COL6A5: variants seen among roughly 807,000 people sequenced by gnomAD.
COL6A5 encodes the protein collagen type VI alpha 5 chain, also known as collagen alpha-5(VI) chain.
In COL6A5, 48 loss-of-function variants were observed where a neutral mutation model predicts 65.6. The observed-to-expected ratio is 0.73, with a 90% CI of 0.58 to 0.93. The LOEUF is 0.93. Among genes scored for constraint, COL6A5 ranks in the 40% least tolerant of loss-of-function variants. The pLI, the probability that COL6A5 is intolerant of heterozygous loss-of-function variation, is 0.00. For missense variants in COL6A5, 914 were observed against 928.3 expected (o/e 0.98, Z 0.20); for synonymous variants, 291 against 322.8 (o/e 0.90, Z 1.05).
exon 4 of COL6A5, chr3:130,379,780 C>T (rs140721388): frequency 6.4e-7 from 1 of 1,551,298 alleles, no homozygotes; most frequent in Non-Finnish European, 8.7e-7. Flanking sequence ...GATTGCAGTT[C>T]TGGTCACCCA....
At chr3:130,449,273 G>T (rs1709373644) in intron 4 of COL6A5, among the ~76,000 whole-genome samples, 1 of 152,080 alleles carries the variant, frequency 6.6e-6, no homozygotes, top group Non-Finnish European at 1.5e-5. Context: ...AACTGGGAGG[G>T]GTTTAGTAAT....
chr3:130,440,841 A>C lies in COL6A5; in HGVS notation c.1241+16A>C, dbSNP rs763119014. ...TCGGTCAGGCGTAAGTTATTATTTCATTGTTTGTCTTTTTTTTAATAAGCT... is the reference window on the plus strand; with the variant it reads ...TCGGTCAGGCGTAAGTTATTATTTCCTTGTTTGTCTTTTTTTTAATAAGCT... On this transcript the variant is annotated intron_variant, in intron 3 of 7. Coordinates refer to ENST00000512836, the Ensembl canonical transcript of COL6A5. The C allele has an allele frequency of 6.3e-6, 10 of 1,586,402 alleles. No individual in the cohort carries two copies. In the South Asian group the frequency reaches 1.1e-4, roughly 18 times the overall value.
intron 28 of COL6A5, 96 bp downstream of exon 28, chr3:130,422,878 A>G: frequency 2.7e-6 from 2 of 745,110 alleles, no homozygotes; most frequent in South Asian, 4.5e-5. Context: ...ATTCAACCCA[A>G]GGGCATCTGA....
chr3:130,435,757 G>T (rs1425079721), intron 1 of COL6A5, among the ~76,000 whole-genome samples: 2 of 152,070 alleles, frequency 1.3e-5, no homozygotes, highest in South Asian at 4.2e-4. Context: ...GGTGTAAAGG[G>T]ATTCTTGTGA....
chr3:130,361,581 T>C (rs1347456624), intron 1 of COL6A5, among the ~76,000 whole-genome samples: 3 of 152,126 alleles, frequency 2.0e-5, no homozygotes, highest in African/African-American at 7.2e-5. Flanking sequence ...CTCATTTGGG[T>C]AAATACCAGG....
At chr3:130,472,891 A>G (rs145097234) in intron 7 of COL6A5, among the ~76,000 whole-genome samples, 205 of 146,910 alleles carry the variant, frequency 1.4e-3, no homozygotes, top group African/African-American at 4.9e-3. Flanking sequence ...AGTTAAAGCT[A>G]TAAATATATA....
chr3:130,410,427 A>C, intron 19 of COL6A5, 44 bp from the exon 20 acceptor site: 1 of 1,444,852 alleles, frequency 6.9e-7, no homozygotes, highest in Middle Eastern at 1.7e-4. Context: ...TGATTTATTC[A>C]GAATTTTTTC....
chr3:130,361,615 G>A (rs1480070523), intron 1 of COL6A5, among the ~76,000 whole-genome samples: 2 of 152,000 alleles, frequency 1.3e-5, no homozygotes, highest in Non-Finnish European at 2.9e-5. Context: ...GGATTGTATG[G>A]GATGAATATG....
intron 5 of COL6A5, among the ~76,000 whole-genome samples, chr3:130,387,960 G>C (rs968617553): frequency 6.6e-6 from 1 of 151,674 alleles, no homozygotes; most frequent in South Asian, 2.1e-4. Flanking sequence ...ACGTATGTCT[G>C]TATGTTCATT....
chr3:130,430,536 G>A (rs182592195), upstream of COL6A5, among the ~76,000 whole-genome samples: 33 of 152,282 alleles, frequency 2.2e-4, 1 homozygote, highest in Admixed American at 1.8e-3. Context: ...CCTGTGTTCA[G>A]ACTTTAACAA....
At chr3:130,471,726 T>A in intron 7 of COL6A5, 1 of 1,534,736 alleles carries the variant, frequency 6.5e-7, no homozygotes, top group South Asian at 1.2e-5. Context: ...AATGGTGATC[T>A]GTTTGATGAA....
At chr3:130,350,492 C>A (rs969563246) in intron 1 of COL6A5, among the ~76,000 whole-genome samples, 1 of 152,188 alleles carries the variant, frequency 6.6e-6, no homozygotes, top group Non-Finnish European at 1.5e-5. Context: ...GTGCAAAAAT[C>A]ACAAGCATTC....
At position 130,372,457 on chromosome 3, in the gene COL6A5, ATC is replaced by A. The variant is rs887300488; in HGVS notation, c.-28-1152_-28-1151del. On this transcript the variant is annotated intron_variant and NMD_transcript_variant, in intron 1 of 41. Coordinates refer to the COL6A5 transcript ENST00000312481. ...AATGTTTTAAATTATATATATATAT[ATC>A]TATATCCATACAATGGAATATTACT... 9.2e-5 allele frequency among the ~76,000 whole-genome samples: 14 copies of A among 152,134 alleles called. No homozygotes were observed. The East Asian group carries it at 2.5e-3, about 27-fold the overall frequency.
intron 1 of COL6A5, among the ~76,000 whole-genome samples, chr3:130,370,522 C>T (rs1328115486): frequency 6.6e-6 from 1 of 152,128 alleles, no homozygotes; most frequent in Non-Finnish European, 1.5e-5. Flanking sequence ...ATACAAATTT[C>T]ACCCTGTTCC....
At chr3:130,409,004 G>T (rs1236302606) in intron 17 of COL6A5, among the ~76,000 whole-genome samples, 1 of 152,122 alleles carries the variant, frequency 6.6e-6, no homozygotes, top group East Asian at 1.9e-4. Flanking sequence ...TACATTTTAT[G>T]TGCTTAATAG....
intron 6 of COL6A5, among the ~76,000 whole-genome samples, chr3:130,390,774 C>T (rs957691567): frequency 3.3e-5 from 5 of 152,182 alleles, no homozygotes; most frequent in African/African-American, 4.8e-5. Flanking sequence ...CTGAGCTTTT[C>T]GAAATAGCAG....
At chr3:130,375,882 A>G (rs1159926634) in intron 2 of COL6A5, among the ~76,000 whole-genome samples, 1 of 152,220 alleles carries the variant, frequency 6.6e-6, no homozygotes, top group South Asian at 2.1e-4. Context: ...CTCCCATGAC[A>G]CATGGGGATT....
At chr3:130,348,452 C>G (rs1934582874) in intron 1 of COL6A5, among the ~76,000 whole-genome samples, 1 of 152,238 alleles carries the variant, frequency 6.6e-6, no homozygotes, top group Non-Finnish European at 1.5e-5. Flanking sequence ...AGGACATAAA[C>G]TCATTCTTTT....
chr3:130,379,418 T>A, exon 4 of COL6A5: 1 of 1,549,972 alleles, frequency 6.5e-7, no homozygotes, highest in Non-Finnish European at 8.7e-7. Context: ...GTCTGCATAG[T>A]TCACTTCCCC....
Sources: allele counts gnomAD v4.1 joint callset (sites outside exome capture counted in the v4.1 genomes callset), GRCh38; gene constraint gnomAD v4.1.1; transcripts MANE v1.5; gene names NCBI Gene and HGNC (gene_info 2026-07-23, HGNC 2026-07-21).